The following DCAF11 variants were observed in gnomAD, a reference collection of about 807,000 sequenced individuals.
DCAF11 encodes the protein DDB1- and CUL4-associated factor 11.
Under a neutral mutation model 76.1 loss-of-function variants are expected in DCAF11, and 44 were observed. That is an observed-to-expected ratio of 0.58 (90% CI 0.45 to 0.74). The LOEUF (loss-of-function observed/expected upper bound fraction) is 0.74, where lower values mean the gene tolerates loss of function less well. DCAF11 is among the 30% of genes least tolerant of loss of function. The probability of loss-of-function intolerance (pLI) is 0.00; values close to 1 mark genes in which losing one functional copy is unlikely to be tolerated. For missense variants in DCAF11, 604 were observed against 709.4 expected, an observed-to-expected ratio of 0.85 and a Z score of 1.69; for synonymous variants, 258 against 255.0, an observed-to-expected ratio of 1.01 and a Z score of -0.11.
intron 2 of DCAF11, 127 bp from the exon 3 acceptor site, chr14:24,116,790 A>T (rs2037584104): frequency 7.4e-7 from 1 of 1,345,022 alleles, no homozygotes; most frequent in South Asian, 1.3e-5. Flanking sequence ...AATAACAGCC[A>T]AGGTCTAGTC....
rs765705642 is a variant in DCAF11, at chr14:24,115,588, C to G, written c.-7C>G. The G allele has an allele frequency of 9.9e-6, 16 of 1,610,412 alleles. No homozygotes were observed. The highest frequency in any genetic ancestry group is 1.3e-5 in the African/African-American group (1 of 74,836). ...CGCACAGGACCTAAGAATGCTGTGA[C>G]CAGAAGATGGGATCGCGGAACAGCA... On this transcript the variant is annotated 5_prime_UTR_variant, in exon 2 of 15. Coordinates refer to ENST00000446197, the MANE Select transcript of DCAF11 (RefSeq NM_025230.5).
rs1414863420 is a variant in DCAF11 at position 24,117,023 on chromosome 14, G to C, written c.262G>C (p.Gly88Arg). The C allele has an allele frequency of 6.2e-7, 1 of 1,614,194 alleles. No individual in the cohort carries two copies. The highest frequency in any genetic ancestry group is 1.1e-5 in the South Asian group (1 of 91,084). The change falls in exon 3 of 15, where the codon GGG becomes CGG. Residue 88 changes from glycine to arginine, a missense_variant. Transcript: ENST00000446197. This position sits in a 1 kb window ranked among gnomAD's most constrained non-coding sequence, Gnocchi z 4.3. ...ENDRAWDGRL[G>R]DRYNPPVDAT... Reference sequence around the variant, plus strand: ...TGACAGAGCTTGGGATGGTCGTCTTGGGGATCGATACAACCCACCTGGTAA... The same window carrying C: ...TGACAGAGCTTGGGATGGTCGTCTTCGGGATCGATACAACCCACCTGGTAA...
chr14:24,115,243 T>C lies in DCAF11; in HGVS notation c.-264T>C, dbSNP rs1021015146. ...GTCGGTCAGAGAGGTTACCTGGAAA[T>C]CCAACACCGCCCAACACCCCTCCCG... On this transcript the variant is annotated 5_prime_UTR_variant, in exon 1 of 15. Coordinates refer to ENST00000446197, the MANE Select transcript of DCAF11 (RefSeq NM_025230.5). The C allele has an allele frequency of 1.0e-5, 2 of 199,236 alleles. No homozygotes were observed. Among genetic ancestry groups the C allele is most frequent in the Non-Finnish European group, 9.8e-6 (1 of 102,178 alleles). 12.3% of individuals were successfully genotyped at this position (199,236 alleles called of 1,614,324 possible).
chr14:24,123,621 A>C lies in DCAF11; in HGVS notation c.*312A>C. On this transcript the variant is annotated 3_prime_UTR_variant, in exon 15 of 15. Transcript: ENST00000446197. ...GTGTTTTTAATCATGTTTGAATGTT[A>C]GGGGTTGGATCCTAGAGTAGATGCC... The C allele has an allele frequency of 3.4e-6, 1 of 298,182 alleles. No individual in the cohort carries two copies. Among genetic ancestry groups the C allele is most frequent in the Non-Finnish European group, 6.2e-6 (1 of 161,250 alleles). The allele number at this position is 298,182 out of a possible 1,614,324, so 18.5% of individuals were successfully genotyped here. A position where few individuals can be genotyped will look rare whatever the true frequency, so the allele number is the denominator to read the frequency against.
At chr14:24,118,196 A>G in intron 6 of DCAF11, 41 bp downstream of exon 6, 1 of 1,583,988 alleles carries the variant, frequency 6.3e-7, no homozygotes, top group Admixed American at 1.7e-5. Context: ...TTCCTGGAAC[A>G]TGGGACATTC....
Position 24,115,407 on chromosome 14 carries a change from C to A in DCAF11, c.-188C>A. The A allele has an allele frequency of 1.5e-6, 1 of 688,504 alleles. No individual in the cohort carries two copies. Among genetic ancestry groups the A allele is most frequent in the Non-Finnish European group, 2.2e-6 (1 of 449,596 alleles). The allele number at this position is 688,504 out of a possible 1,614,324, so 42.6% of individuals were successfully genotyped here. A position where few individuals can be genotyped will look rare whatever the true frequency, so the allele number is the denominator to read the frequency against. The stretch of plus-strand genomic sequence containing the variant: ...GATTGGAGAAGGTTTGTGTTCCCGA[C>A]GCCTTGGTAGTTGGCATAGGCTAAA... On this transcript the variant is annotated 5_prime_UTR_variant, in exon 2 of 15. Coordinates refer to ENST00000446197, the MANE Select transcript of DCAF11 (RefSeq NM_025230.5).
intron 13 of DCAF11, 174 bp downstream of exon 13, chr14:24,121,691 T>A: frequency 1.4e-6 from 1 of 698,324 alleles, no homozygotes; most frequent in Non-Finnish European, 2.3e-6. Flanking sequence ...TTCAGTGTTT[T>A]AAATTAAGAA....
In DCAF11 at chr14:24,119,588, A is replaced by C. The variant is rs1172594732; in HGVS notation, c.878A>C (p.Asp293Ala). The change falls in exon 10 of 15, where the codon GAC (aspartate) becomes GCC (alanine). Residue 293 changes from aspartate to alanine, a missense_variant. Physicochemically the swap from Asp to Ala is moderately radical, Grantham distance 126. Coordinates refer to ENST00000446197, the MANE Select transcript of DCAF11 (RefSeq NM_025230.5). ...GANDGCLYVF[D>A]REQNRRTLQI... Reference sequence around the variant, plus strand: ...AATGATGGCTGCCTGTATGTCTTTGACCGAGAACAGAACCGGCGCACCCTT... The same window carrying C: ...AATGATGGCTGCCTGTATGTCTTTGCCCGAGAACAGAACCGGCGCACCCTT... 1.9e-6 allele frequency: 3 copies of C among 1,613,926 alleles called. No homozygotes were observed. The African/African-American group carries it at 4.0e-5, about 22-fold the overall frequency.
At chr14:24,122,465 G>A (rs1365366336) in intron 13 of DCAF11, among the ~76,000 whole-genome samples, 2 of 149,560 alleles carry the variant, frequency 1.3e-5, no homozygotes, top group Non-Finnish European at 3.0e-5. Flanking sequence ...ACTCTAGCCT[G>A]GGCAACAAGA....
chr14:24,120,843 T>C lies in DCAF11; in HGVS notation c.1098T>C (p.Asp366=). The change falls in exon 12 of 15, where the codon GAT becomes GAC. Residue 366 remains aspartate, a synonymous_variant. Transcript: ENST00000446197. The part of the protein sequence containing the change: ...DGITFIDSKG[D]ARYLISNSKD... ...ATCCACCTTTGGATTCATAGGGTGA[T>C]GCCCGGTATCTGATCTCCAACTCTA... 1.2e-6 allele frequency: 2 copies of C among 1,614,186 alleles called. No individual in the cohort carries two copies. The highest frequency in any genetic ancestry group is 2.2e-5 in the East Asian group (1 of 44,882).
Position 24,114,991 on chromosome 14 carries a change from C to A in DCAF11, c.-516C>A, listed in dbSNP as rs564341347. 2.6e-5 allele frequency: 26 copies of A among 986,004 alleles called. No homozygotes were observed. In the East Asian group the frequency reaches 1.6e-3, roughly 60 times the overall value. The allele number at this position is 986,004 out of a possible 1,614,324, so 61.1% of individuals were successfully genotyped here. A position where few individuals can be genotyped will look rare whatever the true frequency, so the allele number is the denominator to read the frequency against. On this transcript the variant is annotated 5_prime_UTR_variant, in exon 1 of 15. Transcript: ENST00000446197. ...GGAGGTGCTTCTCGGCTTCCTCCCC[C>A]TCATGGCGTACACACCCCCGGCGCA...
At chr14:24,118,259 G>A (rs998972054) in intron 6 of DCAF11, 104 bp downstream of exon 6, 8 of 1,567,464 alleles carry the variant, frequency 5.1e-6, no homozygotes, top group Middle Eastern at 1.7e-4. Flanking sequence ...CTGGCTTAAG[G>A]ATGCTTAGCC....
chr14:24,122,516 A>G (rs989789789), intron 13 of DCAF11, among the ~76,000 whole-genome samples: 9 of 151,858 alleles, frequency 5.9e-5, no homozygotes, highest in African/African-American at 2.2e-4. Context: ...AGAAAAAGAA[A>G]AAAAAAACCA....
Position 24,123,605 on chromosome 14 carries a change from A to G in DCAF11, c.*296A>G. 2.9e-6 allele frequency: 1 copy of G among 341,534 alleles called. No individual in the cohort carries two copies. Among genetic ancestry groups the G allele is most frequent in the Non-Finnish European group, 5.3e-6 (1 of 189,686 alleles). 21.2% of individuals were successfully genotyped at this position (341,534 alleles called of 1,614,324 possible). On this transcript the variant is annotated 3_prime_UTR_variant, in exon 15 of 15. Transcript: ENST00000446197. ...AAGAGAAGTGTCCTGGGTGTTTTTA[A>G]TCATGTTTGAATGTTAGGGGTTGGA...
rs200196799 is a variant in DCAF11 at position 24,119,902 on chromosome 14, C to T, written c.1092+6C>T. 1 of 1,607,018 alleles carries T rather than the reference C, an allele frequency of 6.2e-7. No individual in the cohort carries two copies. The highest frequency in any genetic ancestry group is 1.7e-5 in the Admixed American group (1 of 59,228). ...TCACCTTCATTGACAGCAAGGTGGG[C>T]CAGAAGTCAGGACTGTACAGCCAGG... On this transcript the variant is annotated splice_donor_region_variant and intron_variant, in intron 11 of 14. Transcript: ENST00000446197.
rs750688032 is a variant in DCAF11 at position 24,118,034 on chromosome 14, A to T, written c.477-21A>T. On this transcript the variant is annotated intron_variant, in intron 5 of 14. Coordinates refer to ENST00000446197, the MANE Select transcript of DCAF11 (RefSeq NM_025230.5). ...CTTATCCTGAGCACCCCTCACCCTC[A>T]CTTTCTCTCTCCTTCCCTAGCTTCT... 3 of 1,561,578 alleles carry T rather than the reference A, an allele frequency of 1.9e-6. No homozygotes were observed. In the South Asian group the frequency reaches 3.4e-5, roughly 18 times the overall value.
At chr14:24,121,304 G>C (rs73603087) in intron 12 of DCAF11, 61 bp from the exon 13 acceptor site, 1 of 1,601,742 alleles carries the variant, frequency 6.2e-7, no homozygotes, top group South Asian at 1.1e-5. Flanking sequence ...CAGGACTGGT[G>C]GTACGAAACA....
chr14:24,119,338 G>T lies in DCAF11; in HGVS notation c.848+125G>T, dbSNP rs138549012. 3.9e-4 allele frequency: 536 copies of T among 1,373,768 alleles called. 2 individuals carry two copies. In the African/African-American group the frequency reaches 7.0e-3, roughly 18 times the overall value. The allele number at this position is 1,373,768 out of a possible 1,614,324, so 85.1% of individuals were successfully genotyped here. On this transcript the variant is annotated intron_variant, in intron 9 of 14. Transcript: ENST00000446197. Reference sequence around the variant, plus strand: ...CAACCAGACCTTCTCCCAAGGTCAGGATTTACAAGTTGCTTCACCCCTTGC... The same window carrying T: ...CAACCAGACCTTCTCCCAAGGTCAGTATTTACAAGTTGCTTCACCCCTTGC...
Position 24,117,185 on chromosome 14 carries a change from G to T in DCAF11, c.284-81G>T. The stretch of plus-strand genomic sequence containing the variant: ...TACAGCCCCAGTATATTCAGCCACA[G>T]GGGTGGGCTTGGGTACAGTTCTGCT... On this transcript the variant is annotated intron_variant, in intron 3 of 14. Transcript: ENST00000446197. The surrounding 1 kb of genome is among the most constrained non-coding windows in gnomAD (Gnocchi z 4.3). 1 of 1,604,816 alleles carries T rather than the reference G, an allele frequency of 6.2e-7. No homozygotes were observed. Among genetic ancestry groups the T allele is most frequent in the East Asian group, 2.2e-5 (1 of 44,754 alleles).
Sources: allele counts gnomAD v4.1 joint callset (sites outside exome capture counted in the v4.1 genomes callset), GRCh38; gene constraint gnomAD v4.1.1; non-coding constraint Gnocchi (gnomAD v3.1); transcripts MANE v1.5; gene names NCBI Gene and HGNC (gene_info 2026-07-23, HGNC 2026-07-21).